The following HFM1 variants were observed in gnomAD, a reference collection of about 807,000 sequenced individuals.
HFM1 encodes probable ATP-dependent DNA helicase HFM1.
HFM1 carries 169 observed loss-of-function variants against 192.1 expected under a neutral mutation model. That is an observed-to-expected ratio of 0.88 (90% CI 0.78 to 1.00). The LOEUF (loss-of-function observed/expected upper bound fraction) is 1.00, where lower values mean the gene tolerates loss of function less well. Ranked by LOEUF, HFM1 falls within the 50% of genes least tolerant of loss-of-function variation. The probability of loss-of-function intolerance (pLI) is 0.00; values close to 1 mark genes in which losing one functional copy is unlikely to be tolerated. For missense variants in HFM1, 1,661 were observed against 1,668.0 expected, an observed-to-expected ratio of 1.00 and a Z score of 0.07; for synonymous variants, 525 against 537.8, an observed-to-expected ratio of 0.98 and a Z score of 0.33.
At chr1:91,373,568 G>A (rs1381605905) in intron 13 of HFM1, among the ~76,000 whole-genome samples, 1 of 151,818 alleles carries the variant, frequency 6.6e-6, no homozygotes, top group African/African-American at 2.4e-5. Flanking sequence ...GATCATGGGG[G>A]CAGATCCTCA....
intron 30 of HFM1, among the ~76,000 whole-genome samples, chr1:91,296,878 A>C (rs545699187): frequency 6.6e-6 from 1 of 152,216 alleles, no homozygotes; most frequent in Non-Finnish European, 1.5e-5. Flanking sequence ...TGCAGAAGAC[A>C]GGTGATTTCT....
intron 20 of HFM1, among the ~76,000 whole-genome samples, chr1:91,327,163 A>G (rs1653041605): frequency 1.3e-5 from 2 of 152,220 alleles, no homozygotes; most frequent in South Asian, 4.1e-4. Context: ...TGGCAGGAGT[A>G]AGTTCCTACT....
chr1:91,264,520 C>G (rs1370032016), intron 36 of HFM1, among the ~76,000 whole-genome samples: 10 of 148,460 alleles, frequency 6.7e-5, no homozygotes, highest in Non-Finnish European at 1.5e-4. Context: ...CTACAGGCGC[C>G]CGCCATCACG....
chr1:91,328,317 G>A, intron 20 of HFM1: 1 of 1,458,294 alleles, frequency 6.9e-7, no homozygotes, highest in Non-Finnish European at 9.2e-7. Context: ...GGGCAACCCT[G>A]AATCAAGCTT....
chr1:91,385,604 G>A lies in HFM1; in HGVS notation c.725C>T (p.Ser242Leu). ...AATATCATGAGGTTGGAAAGCAACTGAAAAAGATGGTGCTTTGAACATGCC... is the reference window on the plus strand; with the variant it reads ...AATATCATGAGGTTGGAAAGCAACTAAAAAAGATGGTGCTTTGAACATGCC... ...GEGMFKAPSF[S>L]VAFQPHDIQE... The change falls in exon 5 of 39, where the codon TCA becomes TTA. Residue 242 changes from serine to leucine, a missense_variant. Coordinates refer to ENST00000370425, the MANE Select transcript of HFM1 (RefSeq NM_001017975.6). The A allele has an allele frequency of 6.2e-7, 1 of 1,612,722 alleles. No individual in the cohort carries two copies. Among genetic ancestry groups the A allele is most frequent in the Non-Finnish European group, 8.5e-7 (1 of 1,178,980 alleles).
intron 30 of HFM1, among the ~76,000 whole-genome samples, chr1:91,311,187 G>T (rs1382173928): frequency 6.6e-6 from 1 of 152,178 alleles, no homozygotes; most frequent in Non-Finnish European, 1.5e-5. Context: ...TTACGTTTTA[G>T]CAAAGAGACT....
intron 30 of HFM1, among the ~76,000 whole-genome samples, chr1:91,295,093 T>C (rs1001829373): frequency 5.9e-5 from 9 of 152,354 alleles, no homozygotes; most frequent in African/African-American, 2.2e-4. Flanking sequence ...TATCTCATTG[T>C]AGATTTTCAT....
At chr1:91,331,185 T>C (rs1653767944) in intron 20 of HFM1, among the ~76,000 whole-genome samples, 2 of 152,316 alleles carry the variant, frequency 1.3e-5, no homozygotes, top group Non-Finnish European at 2.9e-5. Context: ...AGAAGTCAAA[T>C]TATCCTTGTT....
At position 91,328,918 on chromosome 1, in the gene HFM1, C is replaced by T. The variant is rs1653359044; in HGVS notation, c.2336-4152G>A. The T allele has an allele frequency of 3.1e-6, 5 of 1,611,214 alleles. No homozygotes were observed. The African/African-American group carries it at 4.0e-5, about 13-fold the overall frequency. On this transcript the variant is annotated intron_variant, in intron 20 of 38. Coordinates refer to ENST00000370425, the MANE Select transcript of HFM1 (RefSeq NM_001017975.6). The stretch of plus-strand genomic sequence containing the variant: ...AAGTCTATCCTGTGGCTACCGAGGA[C>T]ATGGACTGCTTCACCTTCGGCAGCC...
chr1:91,334,021 G>A (rs557642276), intron 20 of HFM1, among the ~76,000 whole-genome samples: 2 of 152,236 alleles, frequency 1.3e-5, no homozygotes, highest in South Asian at 4.1e-4. Flanking sequence ...TCTTGAGAAG[G>A]GTTTTTAAAG....
chr1:91,366,924 C>A (rs1352224039), intron 13 of HFM1, among the ~76,000 whole-genome samples: 1 of 152,178 alleles, frequency 6.6e-6, no homozygotes, highest in Non-Finnish European at 1.5e-5. Context: ...CTGCACTTTC[C>A]TAATGGTCTT....
At chr1:91,308,577 G>A (rs981434810) in intron 30 of HFM1, among the ~76,000 whole-genome samples, 1 of 152,026 alleles carries the variant, frequency 6.6e-6, no homozygotes, top group Non-Finnish European at 1.5e-5. Flanking sequence ...CCAGGCTGGA[G>A]TGCAGTGGTA....
In HFM1 at chr1:91,274,813, T is replaced by C. The variant is rs770204665; in HGVS notation, c.3589-4A>G. 3.4e-6 allele frequency: 5 copies of C among 1,487,264 alleles called. No homozygotes were observed. The highest frequency in any genetic ancestry group is 4.7e-6 in the Non-Finnish European group (5 of 1,072,744). The allele number at this position is 1,487,264 out of a possible 1,614,324, so 92.1% of individuals were successfully genotyped here. On this transcript the variant is annotated splice_region_variant and splice_polypyrimidine_tract_variant and intron_variant, in intron 32 of 38. Transcript: ENST00000370425. ...TTTGAGATTTATTCATCTGTATCTA[T>C]TAATGAAACAAAAATAAGTTCAACT...
chr1:91,325,058 G>C (rs1458033594), intron 20 of HFM1, among the ~76,000 whole-genome samples: 1 of 152,066 alleles, frequency 6.6e-6, no homozygotes, highest in African/African-American at 2.4e-5. Context: ...TCTGAGTCCA[G>C]GCCTAGGCTC....
chr1:91,367,694 T>G (rs926702243), intron 13 of HFM1, among the ~76,000 whole-genome samples: 1 of 151,838 alleles, frequency 6.6e-6, no homozygotes, highest in African/African-American at 2.4e-5. Flanking sequence ...AAAATCAGAG[T>G]GCCTATCCTC....
Position 91,380,219 on chromosome 1 carries a change from C to G in HFM1, c.891G>C (p.Arg297Ser). The G allele has an allele frequency of 1.3e-6, 2 of 1,575,368 alleles. No individual in the cohort carries two copies. The highest frequency in any genetic ancestry group is 1.4e-5 in the African/African-American group (1 of 72,978). ...KAFDDLLYTD[R>S]NFVICAPTGS... is the part of the protein sequence containing the mutation. Reference sequence around the variant, plus strand: ...CAGTTGGAGCACAAATCACAAAATTCCTATCTGTGTAAAGAAGCTAAAAAA... The same window carrying G: ...CAGTTGGAGCACAAATCACAAAATTGCTATCTGTGTAAAGAAGCTAAAAAA... Residue 297 changes from arginine (R) to serine (S), a missense_variant, in exon 8 of 39, where the codon AGG becomes AGC. By Grantham distance (110) the Arg-to-Ser change is moderately radical (BLOSUM62 -1). Transcript: ENST00000370425.
intron 33 of HFM1, among the ~76,000 whole-genome samples, chr1:91,274,019 A>G (rs77047728): frequency 0.096 from 14,641 of 152,144 alleles, 741 homozygotes; most frequent in East Asian, 0.16. Flanking sequence ...GTTAGATAAC[A>G]AAAGCCAGGA....
chr1:91,291,943 A>C (rs1038801368), intron 30 of HFM1, among the ~76,000 whole-genome samples: 8 of 152,200 alleles, frequency 5.3e-5, no homozygotes, highest in Non-Finnish European at 1.2e-4. Flanking sequence ...CAGAACCAAG[A>C]CAAAAACCAC....
intron 28 of HFM1, among the ~76,000 whole-genome samples, chr1:91,315,158 C>T (rs1395703573): frequency 6.6e-6 from 1 of 152,106 alleles, no homozygotes; most frequent in Non-Finnish European, 1.5e-5. Context: ...GTCTCAATTT[C>T]CTCCTCTACA....
Sources: gnomAD v4.1 joint callset for allele counts (sites outside exome capture counted in the v4.1 genomes callset) on GRCh38, gnomAD v4.1.1 for gene constraint, MANE v1.5 for transcripts, NCBI Gene and HGNC (gene_info 2026-07-23, HGNC 2026-07-21) for gene names.